Variants in NTRK1 observed in about 807,000 individuals in gnomAD.
NTRK1 encodes the protein neurotrophic receptor tyrosine kinase 1.
Under a neutral mutation model 86.8 loss-of-function variants are expected in NTRK1, and 62 were observed. The observed-to-expected ratio is 0.71, with a 90% CI of 0.58 to 0.88. The LOEUF is 0.88. Among genes scored for constraint, NTRK1 ranks in the 40% least tolerant of loss-of-function variants. The pLI, the probability that NTRK1 is intolerant of heterozygous loss-of-function variation, is 0.00. For synonymous variants in NTRK1, 469 were observed against 456.6 expected (o/e 1.03, Z -0.35); for missense variants, 967 against 1,078.4 (o/e 0.90, Z 1.45).
At position 156,880,146 on chromosome 1, in the gene NTRK1, T is replaced by A. The variant is rs1188636387; in HGVS notation, c.2194T>A (p.Ser732Thr). The change falls in exon 16 of 17, where the codon TCC (serine) becomes ACC (threonine). Residue 732 changes from serine (S) to threonine (T), a missense_variant. Physicochemically the swap from Ser to Thr is moderately conservative, Grantham distance 58 (BLOSUM62 1). Coordinates refer to ENST00000524377, the MANE Select transcript of NTRK1 (RefSeq NM_002529.4). ...CGGCAAGCAGCCCTGGTACCAGCTC[T>A]CCAACACGGAGGTCAGCCCCGGCCC... is the stretch of plus-strand genomic sequence containing the variant. ...TYGKQPWYQL[S>T]NTEAIDCITQ... The A allele has an allele frequency of 1.2e-6, 2 of 1,613,166 alleles. No homozygotes were observed. Among genetic ancestry groups the A allele is most frequent in the Non-Finnish European group, 1.7e-6 (2 of 1,179,970 alleles).
chr1:156,816,730 C>G (rs1328385393), intron 1 of NTRK1: 2 of 1,589,470 alleles, frequency 1.3e-6, no homozygotes, highest in Non-Finnish European at 1.7e-6. Context: ...CACAAGGGAT[C>G]CCAGAGCAGG....
rs1654806770 is a variant in NTRK1 at position 156,841,962 on chromosome 1, C to T, written c.-63-119C>T. The T allele has an allele frequency of 7.1e-6, 11 of 1,550,674 alleles. No individual in the cohort carries two copies. The East Asian group carries it at 1.6e-4, about 22-fold the overall frequency. On this transcript the variant is annotated intron_variant, in intron 1 of 16. Coordinates refer to the NTRK1 transcript ENST00000392302. ...ACTCATCCCATCCAAACCCCTCTGC[C>T]CTTGGACAAGAGACTAAGATACAGG...
chr1:156,879,676 C>T (rs1434069206), intron 15 of NTRK1, among the ~76,000 whole-genome samples: 1 of 152,180 alleles, frequency 6.6e-6, no homozygotes, highest in African/African-American at 2.4e-5. Context: ...GTGGCACGAT[C>T]TCGGCTCACT....
chr1:156,846,697 G>T (rs773925911), intron 2 of NTRK1: 1 of 1,614,154 alleles, frequency 6.2e-7, no homozygotes, highest in Admixed American at 1.7e-5. Context: ...CATCCAGCAG[G>T]TTCCAGCTCT....
rs145041943 is a variant in NTRK1, at chr1:156,850,942, G to T, written c.50+8749G>T. Among the ~76,000 whole-genome samples, 727 of 152,314 alleles carry T rather than the reference G, an allele frequency of 4.8e-3. 8 individuals are homozygous for T. Among genetic ancestry groups the T allele is most frequent in the African/African-American group, 0.017 (711 of 41,568 alleles). ...TAGGAATGGGTTTCAAACCCAGGCA[G>T]TCTTGCTCTGCAGCTGACAGGACCA... On this transcript the variant is annotated intron_variant, in intron 2 of 16. Coordinates refer to the NTRK1 transcript ENST00000392302.
intron 1 of NTRK1, among the ~76,000 whole-genome samples, chr1:156,817,965 A>G (rs987297165): frequency 1.3e-5 from 2 of 152,130 alleles, no homozygotes; most frequent in African/African-American, 4.8e-5. Context: ...TAAACTTTCA[A>G]TGTGCTTAGA....
chr1:156,861,167 G>T (rs746647734), intron 1 of NTRK1, 21 bp downstream of exon 1: 10 of 1,537,658 alleles, frequency 6.5e-6, no homozygotes, highest in African/African-American at 1.4e-5. Flanking sequence ...GGCGGGCGGT[G>T]GGGGGGCGCG....
chr1:156,858,876 A>G (rs1201891642), upstream of NTRK1: 2 of 530,818 alleles, frequency 3.8e-6, no homozygotes, highest in Admixed American at 6.2e-5. Context: ...GGGGACAGAG[A>G]TGCAGACAGT....
At chr1:156,841,588 G>C in intron 1 of NTRK1, 1 of 1,610,640 alleles carries the variant, frequency 6.2e-7, no homozygotes, top group Non-Finnish European at 8.5e-7. Flanking sequence ...TGCATTCCAA[G>C]GGATGGGGGT....
At chr1:156,858,914 G>A, upstream of NTRK1, 1 of 435,008 alleles carries the variant, frequency 2.3e-6, no homozygotes, top group Admixed American at 3.4e-5. Context: ...GCCTCCAGAG[G>A]GAGAAAATGA....
intron 1 of NTRK1, among the ~76,000 whole-genome samples, chr1:156,829,125 G>A (rs906905476): frequency 6.6e-6 from 1 of 152,162 alleles, no homozygotes; most frequent in Non-Finnish European, 1.5e-5. Context: ...AATAGGAAAA[G>A]TGATTTCAGC....
chr1:156,820,245 T>C (rs1044555474), intron 1 of NTRK1, among the ~76,000 whole-genome samples: 1 of 152,160 alleles, frequency 6.6e-6, no homozygotes, highest in Non-Finnish European at 1.5e-5. Context: ...TTCCCCAATC[T>C]ATTTATTTGT....
chr1:156,868,777 C>A, intron 6 of NTRK1, 130 bp downstream of exon 6: 4 of 1,395,706 alleles, frequency 2.9e-6, no homozygotes, highest in Non-Finnish European at 3.9e-6. Flanking sequence ...GAGGGACGGA[C>A]AGAGATGGTT....
rs145686782 is a variant in NTRK1 at position 156,873,000 on chromosome 1, A to C, written c.851-633A>C. On this transcript the variant is annotated intron_variant, in intron 7 of 16. Transcript: ENST00000524377. ...CCCAGATTGGGTCTATTTCAAACGC[A>C]TATCTTTTTTCAAAAAGAGTGTGTG... 2.9e-4 allele frequency among the ~76,000 whole-genome samples: 43 copies of C among 146,116 alleles called. No homozygotes were observed. In the South Asian group the frequency reaches 9.4e-3, roughly 32 times the overall value.
chr1:156,865,270 C>G (rs1291791299), intron 3 of NTRK1, among the ~76,000 whole-genome samples: 1 of 152,110 alleles, frequency 6.6e-6, no homozygotes, highest in African/African-American at 2.4e-5. Context: ...TGGACCCCAA[C>G]TTTTTTGGCA....
At chr1:156,872,087 G>A (rs778728785) in intron 7 of NTRK1, among the ~76,000 whole-genome samples, 37 of 152,174 alleles carry the variant, frequency 2.4e-4, no homozygotes, top group Non-Finnish European at 1.5e-4. Context: ...CCGCATCCTA[G>A]TTTCAAAAGA....
chr1:156,816,332 G>T (rs1298129493), intron 1 of NTRK1, among the ~76,000 whole-genome samples: 2 of 152,206 alleles, frequency 1.3e-5, no homozygotes, highest in African/African-American at 2.4e-5. Context: ...AGAAGGAGAG[G>T]CTGGGAGTCA....
rs1057154122 is a variant in NTRK1 at position 156,881,687 on chromosome 1, C to T, written c.*45C>T. On this transcript the variant is annotated 3_prime_UTR_variant, in exon 17 of 17. Transcript: ENST00000524377. ...GGAGTGGTTAGCCGGAATACTGGGG[C>T]CTGCCCTCAGCATCCCCCATAGCTC... is the stretch of plus-strand genomic sequence containing the variant. 7 of 1,546,426 alleles carry T rather than the reference C, an allele frequency of 4.5e-6. No individual in the cohort carries two copies. The highest frequency in any genetic ancestry group is 6.1e-6 in the Non-Finnish European group (7 of 1,142,610).
chr1:156,868,183 G>T lies in NTRK1; in HGVS notation c.508G>T (p.Val170Leu). ...CTGGGAGGAGGAGGGACTGGGCGGA[G>T]TGCCTGAACAGAAGCTGCAGTGTCA... ...QRWEEEGLGG[V>L]PEQKLQCHGQ... Residue 170 changes from valine (V) to leucine (L), a missense_variant, in exon 5 of 17, where the codon GTG (valine) becomes TTG (leucine). By Grantham distance (32) the Val-to-Leu change is conservative. Around this residue, in one of 2 missense-constraint regions of NTRK1, gnomAD observed 330 missense variants for 302.0 expected, o/e 1.09. Transcript: ENST00000524377. 2 of 1,613,642 alleles carry T rather than the reference G, an allele frequency of 1.2e-6. No homozygotes were observed. The highest frequency in any genetic ancestry group is 2.2e-5 in the East Asian group (1 of 44,884).
Sources: gnomAD v4.1 joint callset for allele counts (sites outside exome capture counted in the v4.1 genomes callset) on GRCh38, gnomAD v4.1.1 for gene constraint, gnomAD v4.1.1 regional missense constraint, MANE v1.5 for transcripts, NCBI Gene and HGNC (gene_info 2026-07-23, HGNC 2026-07-21) for gene names.